Variants in SMOC1 observed in about 807,000 individuals in gnomAD.
SMOC1 encodes SPARC-related modular calcium-binding protein 1.
SMOC1 carries 22 observed loss-of-function variants against 56.3 expected under a neutral mutation model. That is an observed-to-expected ratio of 0.39 (90% CI 0.28 to 0.56). The LOEUF (loss-of-function observed/expected upper bound fraction) is 0.56. Among genes scored for constraint, SMOC1 ranks in the 20% least tolerant of loss-of-function variants. The pLI is 0.61. For missense variants in SMOC1, 509 were observed against 565.4 expected (o/e 0.90, Z 1.01); for synonymous variants, 193 against 215.0 (o/e 0.90, Z 0.89).
At chr14:69,933,685 T>A (rs1885226232) in intron 1 of SMOC1, among the ~76,000 whole-genome samples, 1 of 152,118 alleles carries the variant, frequency 6.6e-6, no homozygotes, top group African/African-American at 2.4e-5. Context: ...GCCTGGCTTA[T>A]TTTTGTATTT....
chr14:69,934,526 C>T (rs1299649869), intron 1 of SMOC1, among the ~76,000 whole-genome samples: 2 of 152,178 alleles, frequency 1.3e-5, no homozygotes, highest in Non-Finnish European at 2.9e-5. Context: ...TGGGACTGAA[C>T]CACAGGGGAG....
At chr14:70,026,307 G>A (rs995043807) in intron 11 of SMOC1, among the ~76,000 whole-genome samples, 4 of 152,144 alleles carry the variant, frequency 2.6e-5, no homozygotes, top group Admixed American at 6.5e-5. Context: ...CCCTGCCTTC[G>A]GCCCCCTTCC....
chr14:70,004,125 G>A (rs941798164), intron 7 of SMOC1, among the ~76,000 whole-genome samples: 5 of 152,102 alleles, frequency 3.3e-5, no homozygotes, highest in Non-Finnish European at 5.9e-5. Context: ...GCCTCCACTG[G>A]GAGAGCTTCT....
chr14:69,986,799 CTTG>C lies in SMOC1; in HGVS notation c.527-5615_527-5613del, dbSNP rs1391771505. The stretch of plus-strand genomic sequence containing the variant: ...CTGCCTGCAAAAAGGCAGCTTTCAG[CTTG>C]TTTTCACTTCTTTTGGGAGGGAACA... On this transcript the variant is annotated intron_variant, in intron 5 of 11. Transcript: ENST00000361956. Among the ~76,000 whole-genome samples, 4 of 152,134 alleles carry C rather than the reference CTTG, an allele frequency of 2.6e-5. No homozygotes were observed. The East Asian group carries it at 7.7e-4, about 29-fold the overall frequency.
At chr14:69,991,346 T>C (rs1291314436) in intron 5 of SMOC1, among the ~76,000 whole-genome samples, 1 of 152,126 alleles carries the variant, frequency 6.6e-6, no homozygotes, top group Non-Finnish European at 1.5e-5. Flanking sequence ...GGGGTAAAAT[T>C]ATTTCTTAGG....
chr14:69,879,649 C>G lies in SMOC1; in HGVS notation c.-30C>G, dbSNP rs762806105. The G allele has an allele frequency of 4.1e-6, 6 of 1,464,636 alleles. No homozygotes were observed. The East Asian group carries it at 1.5e-4, about 36-fold the overall frequency. 90.7% of individuals were successfully genotyped at this position (1,464,636 alleles called of 1,614,324 possible). A position where few individuals can be genotyped will look rare whatever the true frequency, so the allele number is the denominator to read the frequency against. ...CCCCGCGGAGCCCGCGAACCCCGCTCGCTGCCGGCTGCCCAGCCTGGCTGG... is the reference window on the plus strand; with the variant it reads ...CCCCGCGGAGCCCGCGAACCCCGCTGGCTGCCGGCTGCCCAGCCTGGCTGG... On this transcript the variant is annotated 5_prime_UTR_variant, in exon 1 of 12. Coordinates refer to ENST00000361956, the MANE Select transcript of SMOC1 (RefSeq NM_001034852.3).
At chr14:70,016,537 A>C (rs1056697848) in intron 10 of SMOC1, among the ~76,000 whole-genome samples, 9 of 152,202 alleles carry the variant, frequency 5.9e-5, no homozygotes, top group Non-Finnish European at 1.3e-4. Flanking sequence ...AGAAACTGCT[A>C]TCCAGGAAGG....
chr14:69,879,651 C>T lies in SMOC1; in HGVS notation c.-28C>T. The T allele has an allele frequency of 6.8e-7, 1 of 1,469,658 alleles. No homozygotes were observed. Among genetic ancestry groups the T allele is most frequent in the Non-Finnish European group, 9.0e-7 (1 of 1,116,706 alleles). The allele number at this position is 1,469,658 out of a possible 1,614,324, so 91.0% of individuals were successfully genotyped here. A position where few individuals can be genotyped will look rare whatever the true frequency, so the allele number is the denominator to read the frequency against. Reference sequence around the variant, plus strand: ...CCGCGGAGCCCGCGAACCCCGCTCGCTGCCGGCTGCCCAGCCTGGCTGGCA... The same window carrying T: ...CCGCGGAGCCCGCGAACCCCGCTCGTTGCCGGCTGCCCAGCCTGGCTGGCA... On this transcript the variant is annotated 5_prime_UTR_variant, in exon 1 of 12. Transcript: ENST00000361956.
At chr14:70,022,553 C>T (rs1885764575) in intron 10 of SMOC1, among the ~76,000 whole-genome samples, 2 of 152,250 alleles carry the variant, frequency 1.3e-5, no homozygotes, top group South Asian at 2.1e-4. Context: ...AGTTTTGGAA[C>T]TTCTGTTGGT....
chr14:69,965,907 G>A (rs1277800325), intron 3 of SMOC1, among the ~76,000 whole-genome samples: 5 of 152,172 alleles, frequency 3.3e-5, no homozygotes, highest in Non-Finnish European at 5.9e-5. Flanking sequence ...GAGGTGACCC[G>A]GCAGGTCAGT....
intron 10 of SMOC1, among the ~76,000 whole-genome samples, chr14:70,014,175 A>G (rs1885429584): frequency 6.6e-6 from 1 of 152,160 alleles, no homozygotes; most frequent in African/African-American, 2.4e-5. Context: ...TGGGCTAAGG[A>G]TGAGGTATCT....
At chr14:69,943,094 G>C (rs1036277404) in intron 1 of SMOC1, among the ~76,000 whole-genome samples, 1 of 152,150 alleles carries the variant, frequency 6.6e-6, no homozygotes, top group African/African-American at 2.4e-5. Context: ...GGTGGTGGTG[G>C]GGTGATGAAG....
intron 11 of SMOC1, among the ~76,000 whole-genome samples, chr14:70,029,104 G>T (rs1401946713): frequency 2.6e-5 from 4 of 152,214 alleles, no homozygotes. Context: ...CATGCACAGA[G>T]TCACGTGGCC....
At chr14:69,934,903 G>A (rs1885257172) in intron 1 of SMOC1, among the ~76,000 whole-genome samples, 4 of 152,094 alleles carry the variant, frequency 2.6e-5, no homozygotes. Flanking sequence ...TGCAAAGTGG[G>A]ATGCAGAAGA....
Position 70,030,775 on chromosome 14 carries a change from G to A in SMOC1, c.*517G>A, listed in dbSNP as rs1294864074. On this transcript the variant is annotated 3_prime_UTR_variant, in exon 12 of 12. Coordinates refer to ENST00000361956, the MANE Select transcript of SMOC1 (RefSeq NM_001034852.3). The stretch of plus-strand genomic sequence containing the variant: ...AACTTCTGTTTGGAGACTGACCCTT[G>A]TGTATAAAGACGGGAGTCCTGCAAT... The A allele has an allele frequency of 3.2e-5, 5 of 154,182 alleles. No individual in the cohort carries two copies. Among genetic ancestry groups the A allele is most frequent in the Non-Finnish European group, 7.2e-5 (5 of 69,502 alleles). 9.6% of individuals were successfully genotyped at this position (154,182 alleles called of 1,614,324 possible). A position where few individuals can be genotyped will look rare whatever the true frequency, so the allele number is the denominator to read the frequency against.
At chr14:69,881,968 A>G (rs916474836) in intron 1 of SMOC1, among the ~76,000 whole-genome samples, 3 of 152,246 alleles carry the variant, frequency 2.0e-5, no homozygotes, top group African/African-American at 7.2e-5. Flanking sequence ...CCCCACCACC[A>G]GGCAGCTATA....
intron 3 of SMOC1, among the ~76,000 whole-genome samples, chr14:69,974,289 G>A (rs1314087259): frequency 6.6e-6 from 1 of 152,134 alleles, no homozygotes; most frequent in Non-Finnish European, 1.5e-5. Flanking sequence ...AAGGAGGCAG[G>A]GGAGGCTGGG....
At chr14:69,980,943 G>T (rs1884157719) in intron 5 of SMOC1, among the ~76,000 whole-genome samples, 1 of 152,158 alleles carries the variant, frequency 6.6e-6, no homozygotes, top group Admixed American at 6.5e-5. Flanking sequence ...ATCCTCCACT[G>T]ACCGGGCTGG....
chr14:69,898,358 T>G (rs1027393643), intron 1 of SMOC1, among the ~76,000 whole-genome samples: 6 of 152,204 alleles, frequency 3.9e-5, no homozygotes, highest in Admixed American at 3.9e-4. Flanking sequence ...CAGTCACTAT[T>G]GCTTCAAATA....
Sources: gnomAD v4.1 joint callset for allele counts (sites outside exome capture counted in the v4.1 genomes callset) on GRCh38, gnomAD v4.1.1 for gene constraint, MANE v1.5 for transcripts, NCBI Gene and HGNC (gene_info 2026-07-23, HGNC 2026-07-21) for gene names.